AKR1E2: variants seen among roughly 807,000 people sequenced by gnomAD.
AKR1E2 encodes the protein 1,5-anhydro-D-fructose reductase.
In AKR1E2, 43 loss-of-function variants were observed where a neutral mutation model predicts 41.9. The ratio of observed to expected loss-of-function variants is 1.03; its 90% CI spans 0.80 to 1.32. The LOEUF is 1.32. AKR1E2 is among the 40% of genes most tolerant of loss of function. The probability of loss-of-function intolerance (pLI) is 0.00; values close to 1 mark genes in which losing one functional copy is unlikely to be tolerated. For missense variants in AKR1E2, 423 were observed against 396.5 expected (o/e 1.07, Z -0.57); for synonymous variants, 121 against 138.9 (o/e 0.87, Z 0.91).
chr10:4,857,535 T>C, the AKR1E2 span, among the ~76,000 whole-genome samples: 1 of 152,214 alleles, frequency 6.6e-6, no homozygotes, highest in Non-Finnish European at 1.5e-5. Flanking sequence ...TCATGCTTTC[T>C]ATACAGCCTG....
chr10:4,829,271 T>C, intron 1 of AKR1E2, among the ~76,000 whole-genome samples: 1 of 152,344 alleles, frequency 6.6e-6, no homozygotes, highest in East Asian at 1.9e-4. Context: ...CTTTAATCTG[T>C]TAATATTGAT....
chr10:4,849,172 CA>C (rs1211634271), downstream of AKR1E2, among the ~76,000 whole-genome samples: 2 of 152,084 alleles, frequency 1.3e-5, no homozygotes, highest in Non-Finnish European at 2.9e-5. Context: ...ATGGTTTGAC[CA>C]AATTTCCAGG....
In AKR1E2 at chr10:4,830,724, G is replaced by T. The variant is rs148197075; in HGVS notation, c.89G>T (p.Gly30Val). ...TEAVKEAIDA[G>V]YRHFDCAYFY... ...GCAGTGAAAGAGGCCATTGACGCAG[G>T]GTACCGGCACTTCGACTGTGCTTAC... Residue 30 changes from glycine to valine, a missense_variant, in exon 2 of 10, where the codon GGG (glycine) becomes GTG (valine). Physicochemically the swap from Gly to Val is moderately radical, Grantham distance 109. Coordinates refer to ENST00000298375, the MANE Select transcript of AKR1E2 (RefSeq NM_001040177.3). 2.7e-5 allele frequency: 44 copies of T among 1,614,108 alleles called. No homozygotes were observed. In the African/African-American group the frequency reaches 4.9e-4, roughly 18 times the overall value.
At position 4,840,062 on chromosome 10, in the gene AKR1E2, G is replaced by A. The variant is rs1833750351; in HGVS notation, c.680+236G>A. On this transcript the variant is annotated intron_variant, in intron 6 of 9. Coordinates refer to ENST00000298375, the MANE Select transcript of AKR1E2 (RefSeq NM_001040177.3). Reference sequence around the variant, plus strand: ...CCCTGGGAGGGTCAGGACCTCTTCAGGGACGTAAATCAGCCTGGAGTGACC... The same window carrying A: ...CCCTGGGAGGGTCAGGACCTCTTCAAGGACGTAAATCAGCCTGGAGTGACC... Among the ~76,000 whole-genome samples, 3 of 152,126 alleles carry A rather than the reference G, an allele frequency of 2.0e-5. No homozygotes were observed. The South Asian group carries it at 6.2e-4, about 32-fold the overall frequency.
the AKR1E2 span, among the ~76,000 whole-genome samples, chr10:4,863,327 C>T: frequency 3.3e-5 from 5 of 152,326 alleles, no homozygotes; most frequent in East Asian, 9.6e-4. Flanking sequence ...CACTCAACTA[C>T]ATGGAAACTG....
downstream of AKR1E2, among the ~76,000 whole-genome samples, chr10:4,852,784 C>A (rs552508250): frequency 6.6e-6 from 1 of 151,998 alleles, no homozygotes; most frequent in Non-Finnish European, 1.5e-5. Context: ...TTGGCTTACA[C>A]GGCAGAAATC....
chr10:4,845,182 G>C (rs1834232818), intron 8 of AKR1E2, among the ~76,000 whole-genome samples: 1 of 152,298 alleles, frequency 6.6e-6, no homozygotes, highest in South Asian at 2.1e-4. Flanking sequence ...CATTGCCCAG[G>C]GCCAGCAGGG....
intron 5 of AKR1E2, 73 bp from the exon 6 acceptor site, chr10:4,839,656 C>A: frequency 2.2e-6 from 3 of 1,384,296 alleles, no homozygotes; most frequent in Non-Finnish European, 3.1e-6. Flanking sequence ...GACTTTGACG[C>A]AGGTCTTCTC....
the AKR1E2 span, among the ~76,000 whole-genome samples, chr10:4,872,159 A>G: frequency 6.6e-6 from 1 of 152,214 alleles, no homozygotes; most frequent in Admixed American, 6.6e-5. Context: ...CAAATATACC[A>G]GTGCATTCCA....
Position 4,826,354 on chromosome 10 carries a change from C to T in AKR1E2, c.30C>T (p.Ser10=), listed in dbSNP as rs1217978208. Residue 10 remains serine (S), a synonymous_variant, in exon 1 of 10, where the codon AGC becomes AGT. Coordinates refer to ENST00000298375, the MANE Select transcript of AKR1E2 (RefSeq NM_001040177.3). MGDIPAVGL[S]SWKASPGKVT... Reference sequence around the variant, plus strand: ...GAGATATCCCAGCCGTGGGCCTCAGCTCCTGGAAGGTGACGCGGTCGCGGG... The same window carrying T: ...GAGATATCCCAGCCGTGGGCCTCAGTTCCTGGAAGGTGACGCGGTCGCGGG... 1.2e-5 allele frequency: 15 copies of T among 1,234,812 alleles called. No individual in the cohort carries two copies. In the African/African-American group the frequency reaches 1.9e-4, roughly 15 times the overall value. The allele number at this position is 1,234,812 out of a possible 1,614,324, so 76.5% of individuals were successfully genotyped here. A position where few individuals can be genotyped will look rare whatever the true frequency, so the allele number is the denominator to read the frequency against.
downstream of AKR1E2, among the ~76,000 whole-genome samples, chr10:4,852,063 G>A (rs1834535013): frequency 6.6e-6 from 1 of 152,126 alleles, no homozygotes; most frequent in Admixed American, 6.5e-5. Context: ...GTATTTGGAT[G>A]AAAGAAACAG....
the AKR1E2 span, among the ~76,000 whole-genome samples, chr10:4,857,989 T>C: frequency 2.0e-5 from 3 of 152,222 alleles, no homozygotes; most frequent in Non-Finnish European, 4.4e-5. Context: ...CTATTTTATA[T>C]ATCTCTTCTC....
chr10:4,858,319 G>T, the AKR1E2 span, among the ~76,000 whole-genome samples: 2 of 151,982 alleles, frequency 1.3e-5, no homozygotes, highest in Non-Finnish European at 2.9e-5. Flanking sequence ...AGGAAAGTTG[G>T]GTACTGTTTT....
chr10:4,853,497 C>G, the AKR1E2 span, among the ~76,000 whole-genome samples: 1 of 151,136 alleles, frequency 6.6e-6, no homozygotes, highest in Admixed American at 6.6e-5. Flanking sequence ...TGATTCTAAG[C>G]CAAATATGAG....
chr10:4,829,388 T>G (rs1319192574), intron 1 of AKR1E2, among the ~76,000 whole-genome samples: 2 of 152,226 alleles, frequency 1.3e-5, no homozygotes, highest in Non-Finnish European at 2.9e-5. Context: ...CAATTTGCTT[T>G]TATTTTACTT....
Position 4,847,871 on chromosome 10 carries a change from C to G in AKR1E2, c.*341C>G, listed in dbSNP as rs942839995. On this transcript the variant is annotated 3_prime_UTR_variant, in exon 10 of 10. Coordinates refer to ENST00000298375, the MANE Select transcript of AKR1E2 (RefSeq NM_001040177.3). The stretch of plus-strand genomic sequence containing the variant: ...GCTGAGGAAACAGTGTAATGTGTCT[C>G]TGCCCCATTGCGCAGCTCCACCCAT... 2.7e-5 allele frequency: 7 copies of G among 258,206 alleles called. No individual in the cohort carries two copies. The highest frequency in any genetic ancestry group is 4.4e-5 in the Non-Finnish European group (6 of 137,090). 16.0% of individuals were successfully genotyped at this position (258,206 alleles called of 1,614,324 possible). A position where few individuals can be genotyped will look rare whatever the true frequency, so the allele number is the denominator to read the frequency against.
chr10:4,829,345 G>A (rs1266575969), intron 1 of AKR1E2, among the ~76,000 whole-genome samples: 1 of 152,004 alleles, frequency 6.6e-6, no homozygotes, highest in Non-Finnish European at 1.5e-5. Context: ...ACATGGGTGT[G>A]GTATATTATC....
chr10:4,836,218 C>A (rs76490716), intron 4 of AKR1E2, among the ~76,000 whole-genome samples: 5,305 of 152,220 alleles, frequency 0.035, 150 homozygotes, highest in East Asian at 0.11. Flanking sequence ...TCAAGCATTT[C>A]AGAATGATAA....
chr10:4,837,344 T>A lies in AKR1E2; in HGVS notation c.460-115T>A, dbSNP rs994791796. On this transcript the variant is annotated intron_variant, in intron 4 of 9. Coordinates refer to ENST00000298375, the MANE Select transcript of AKR1E2 (RefSeq NM_001040177.3). ...TGCTTTTGAAGCTTCAAGTAAAATA[T>A]TGTAAAAATATTGGGTCCAACCAGT... 6 of 1,393,850 alleles carry A rather than the reference T, an allele frequency of 4.3e-6. No individual in the cohort carries two copies. The East Asian group carries it at 1.2e-4, about 27-fold the overall frequency. 86.3% of individuals were successfully genotyped at this position (1,393,850 alleles called of 1,614,324 possible).
Sources: allele counts gnomAD v4.1 joint callset (sites outside exome capture counted in the v4.1 genomes callset), GRCh38; gene constraint gnomAD v4.1.1; transcripts MANE v1.5; gene names NCBI Gene and HGNC (gene_info 2026-07-23, HGNC 2026-07-21).